The following PCDH15 variants were observed in gnomAD, a reference collection of about 807,000 sequenced individuals.
PCDH15 encodes protocadherin-15.
A neutral mutation model predicts 178.5 loss-of-function variants in PCDH15; 129 were observed. The observed-to-expected ratio is 0.72, with a 90% CI of 0.63 to 0.84. PCDH15 has a LOEUF of 0.84. PCDH15 is among the 40% of genes least tolerant of loss of function. PCDH15 has a pLI of 0.00. For missense variants in PCDH15, 2,230 were observed against 2,099.9 expected (o/e 1.06, Z -1.21); for synonymous variants, 800 against 732.0 (o/e 1.09, Z -1.50).
chr10:55,036,707 T>C lies in PCDH15; in HGVS notation c.-80+129869A>G, dbSNP rs543751754. On this transcript the variant is annotated intron_variant, in intron 2 of 5. Transcript: ENST00000458638. ...AGAATATTTGTCCTCAGAAGATCTGTTAACCAATGTGTAACTCTAGCTTTC... is the reference window on the plus strand; with the variant it reads ...AGAATATTTGTCCTCAGAAGATCTGCTAACCAATGTGTAACTCTAGCTTTC... Among the ~76,000 whole-genome samples the C allele has an allele frequency of 4.6e-5, 7 of 152,330 alleles. No individual in the cohort carries two copies. In the South Asian group the frequency reaches 1.4e-3, roughly 32 times the overall value.
At chr10:54,018,743 C>T (rs2092819753) in intron 20 of PCDH15, among the ~76,000 whole-genome samples, 1 of 151,996 alleles carries the variant, frequency 6.6e-6, no homozygotes, top group Non-Finnish European at 1.5e-5. Flanking sequence ...TGGTATGATC[C>T]TGCAACTAAA....
chr10:55,131,918 A>G (rs1838058042), intron 2 of PCDH15, among the ~76,000 whole-genome samples: 1 of 152,138 alleles, frequency 6.6e-6, no homozygotes, highest in African/African-American at 2.4e-5. Context: ...CCTGGCTTGA[A>G]GGTGGGGCTT....
chr10:54,696,953 A>C (rs1486477769), intron 1 of PCDH15, among the ~76,000 whole-genome samples: 1 of 152,028 alleles, frequency 6.6e-6, no homozygotes, highest in Non-Finnish European at 1.5e-5. Context: ...GTGGAAATTT[A>C]CGTTTCTTTT....
intron 6 of PCDH15, among the ~76,000 whole-genome samples, chr10:54,334,682 AACAC>A (rs3069761): frequency 0.5 from 74,877 of 150,020 alleles, 19,205 homozygotes; most frequent in African/African-American, 0.59. Context: ...ATTTCTAAAG[AACAC>A]ACACACACAC....
intron 25 of PCDH15, among the ~76,000 whole-genome samples, chr10:53,932,984 T>C (rs978832716): frequency 6.6e-6 from 1 of 151,900 alleles, no homozygotes; most frequent in East Asian, 1.9e-4. Flanking sequence ...CTCTCTCCCT[T>C]GCTACTGCTT....
chr10:55,173,617 T>C (rs1839401462), intron 1 of PCDH15, among the ~76,000 whole-genome samples: 1 of 152,158 alleles, frequency 6.6e-6, no homozygotes, highest in Admixed American at 6.6e-5. Context: ...AAAACTATTG[T>C]ATAACTTTTT....
chr10:55,549,963 A>G (rs180712733), intron 2 of PCDH15, among the ~76,000 whole-genome samples: 1 of 151,834 alleles, frequency 6.6e-6, no homozygotes, highest in African/African-American at 2.4e-5. Context: ...ATTTTAGTGA[A>G]CTTTGTATTT....
intron 2 of PCDH15, among the ~76,000 whole-genome samples, chr10:55,125,752 T>G (rs1457910188): frequency 6.6e-6 from 1 of 152,092 alleles, no homozygotes; most frequent in Non-Finnish European, 1.5e-5. Flanking sequence ...GTTTGTATTT[T>G]CCATATAGAG....
chr10:54,912,780 G>A (rs1954839481), intron 2 of PCDH15, among the ~76,000 whole-genome samples: 1 of 152,150 alleles, frequency 6.6e-6, no homozygotes, highest in Non-Finnish European at 1.5e-5. Flanking sequence ...GGAAAGTTTG[G>A]AACTTCCTAG....
chr10:54,054,853 G>A (rs1337074589), intron 18 of PCDH15, among the ~76,000 whole-genome samples: 5 of 151,942 alleles, frequency 3.3e-5, no homozygotes, highest in Non-Finnish European at 7.4e-5. Context: ...TACAGGGTTT[G>A]CATTATATAG....
intron 21 of PCDH15, among the ~76,000 whole-genome samples, chr10:53,991,430 G>A (rs2091474643): frequency 6.6e-6 from 1 of 152,104 alleles, no homozygotes; most frequent in Admixed American, 6.5e-5. Flanking sequence ...TTTATGTCTA[G>A]CTAAAGGATT....
intron 2 of PCDH15, among the ~76,000 whole-genome samples, chr10:55,441,950 C>A (rs906011868): frequency 2.4e-5 from 3 of 125,986 alleles, no homozygotes; most frequent in African/African-American, 5.4e-5. Context: ...CAAAGAGATG[C>A]GGCCACATGT....
At chr10:54,756,089 A>ACACACACACACACACTCACACACT (rs143374986) in intron 1 of PCDH15, among the ~76,000 whole-genome samples, 1 of 148,228 alleles carries the variant, frequency 6.7e-6, no homozygotes, top group Admixed American at 6.8e-5. Context: ...ACACACACAC[A>ACACACACACACACACTCACACACT]CACACACAAA....
chr10:54,565,707 C>G (rs1432434272), intron 2 of PCDH15, among the ~76,000 whole-genome samples: 2 of 152,174 alleles, frequency 1.3e-5, no homozygotes, highest in African/African-American at 4.8e-5. Context: ...AAATTAAAAA[C>G]TTAATTTCTC....
chr10:55,149,164 C>T (rs2132098748), intron 2 of PCDH15, among the ~76,000 whole-genome samples: 1 of 129,832 alleles, frequency 7.7e-6, no homozygotes, highest in Non-Finnish European at 1.7e-5. Flanking sequence ...TTTATAATAA[C>T]TTAAATGACA....
In PCDH15 at chr10:54,286,403, A is replaced by AT. The variant is rs375612804; in HGVS notation, c.876+30867dup. 6.4e-3 allele frequency among the ~76,000 whole-genome samples: 969 copies of AT among 150,486 alleles called. 3 individuals are homozygous for AT. The highest frequency in any genetic ancestry group is 9.8e-3 in the Non-Finnish European group (661 of 67,438). On this transcript the variant is annotated intron_variant, in intron 8 of 37. Coordinates refer to ENST00000644397, the MANE Select transcript of PCDH15 (RefSeq NM_001384140.1). ...GTATCTTTTGGCTCCTAGACACCTG[A>AT]TTTTTTTTTTCCATTTTGCCAAAAG... is the stretch of plus-strand genomic sequence containing the variant.
chr10:54,655,256 A>G (rs7091477), intron 2 of PCDH15, among the ~76,000 whole-genome samples: 1,309 of 48,408 alleles, frequency 0.027, 17 homozygotes, highest in African/African-American at 0.037. Context: ...GAAAGAAAGA[A>G]AGAGAGAGAG....
intron 2 of PCDH15, among the ~76,000 whole-genome samples, chr10:54,954,908 A>G (rs1838441658): frequency 6.6e-6 from 1 of 151,288 alleles, no homozygotes; most frequent in Non-Finnish European, 1.5e-5. Flanking sequence ...TTAAAGAAGG[A>G]ATATATGTGC....
chr10:54,703,606 T>C (rs567852255), intron 1 of PCDH15, among the ~76,000 whole-genome samples: 64 of 151,878 alleles, frequency 4.2e-4, no homozygotes, highest in African/African-American at 1.4e-3. Context: ...GAGAGCCAAA[T>C]CAAGAAGGTA....
Sources: allele counts gnomAD v4.1 joint callset (sites outside exome capture counted in the v4.1 genomes callset), GRCh38; gene constraint gnomAD v4.1.1; transcripts MANE v1.5; gene names NCBI Gene and HGNC (gene_info 2026-07-23, HGNC 2026-07-21).